Variants in ZNF618 observed in about 807,000 individuals in gnomAD.
ZNF618 encodes the protein neural precursor cell expressed, developmentally down-regulated 10.
Under a neutral mutation model 103.0 loss-of-function variants are expected in ZNF618, and 34 were observed. That is an observed-to-expected ratio of 0.33 (90% confidence interval 0.25 to 0.44). ZNF618 has a LOEUF of 0.44. Among genes scored for constraint, ZNF618 ranks in the 20% least tolerant of loss-of-function variants. The pLI is 1.00. For synonymous variants in ZNF618, 551 were observed against 542.2 expected (o/e 1.02, Z -0.23); for missense variants, 1,059 against 1,295.4 (o/e 0.82, Z 2.80).
At position 113,973,355 on chromosome 9, in the gene ZNF618, G is replaced by A. The variant is rs1027126860; in HGVS notation, c.77+4195G>A. Among the ~76,000 whole-genome samples, 6 of 152,246 alleles carry A rather than the reference G, an allele frequency of 3.9e-5. No homozygotes were observed. The East Asian group carries it at 5.8e-4, about 15-fold the overall frequency. On this transcript the variant is annotated intron_variant, in intron 2 of 14. Coordinates refer to ENST00000374126, the MANE Select transcript of ZNF618 (RefSeq NM_001318042.2). ...ACACTCTGCTACTACGCCAGGGTCC[G>A]CTTTCATCCCAGCGCCTTCCTCTTG...
chr9:114,049,147 C>T lies in ZNF618; in HGVS notation c.1845C>T (p.Tyr615=), dbSNP rs573623027. ...TGATGTCGGAGATCAGGACAGTGTACGTGACGGATTGCCGGGTGAGCACGT... is the reference window on the plus strand; with the variant it reads ...TGATGTCGGAGATCAGGACAGTGTATGTGACGGATTGCCGGGTGAGCACGT... ...EFVMSEIRTV[Y]VTDCRVSTSA... is the part of the protein sequence containing the mutation. The change falls in exon 15 of 15, where the codon TAC becomes TAT. Residue 615 remains tyrosine, a synonymous_variant. Transcript: ENST00000374126. 22 of 1,613,840 alleles carry T rather than the reference C, an allele frequency of 1.4e-5. No homozygotes were observed. Among genetic ancestry groups the T allele is most frequent in the Middle Eastern group, 1.6e-4 (1 of 6,062 alleles).
intron 1 of ZNF618, among the ~76,000 whole-genome samples, chr9:113,965,311 G>A (rs1350134085): frequency 1.3e-5 from 2 of 152,042 alleles, no homozygotes; most frequent in Non-Finnish European, 2.9e-5. Flanking sequence ...AAATTTCTGG[G>A]TTTGGAATAA....
intron 1 of ZNF618, among the ~76,000 whole-genome samples, chr9:113,967,418 TC>T (rs761075975): frequency 1.3e-5 from 2 of 152,202 alleles, no homozygotes; most frequent in East Asian, 1.9e-4. Context: ...AATTTCTTCC[TC>T]CCCGACCTCA....
In ZNF618 at chr9:114,054,982, C is replaced by T. The variant is rs1441523871; in HGVS notation, c.*4815C>T. On this transcript the variant is annotated 3_prime_UTR_variant, in exon 15 of 15. Transcript: ENST00000374126. ...CACCACGGGTGTCGCTTTAAAGAGTCAATTCTTGTACAGAGAAGGATTTGC... is the reference window on the plus strand; with the variant it reads ...CACCACGGGTGTCGCTTTAAAGAGTTAATTCTTGTACAGAGAAGGATTTGC... 2.2e-5 allele frequency: 3 copies of T among 138,860 alleles called. No homozygotes were observed. The highest frequency in any genetic ancestry group is 4.6e-5 in the Non-Finnish European group (3 of 65,282). 8.6% of individuals were successfully genotyped at this position (138,860 alleles called of 1,614,324 possible). A position where few individuals can be genotyped will look rare whatever the true frequency, so the allele number is the denominator to read the frequency against.
intron 2 of ZNF618, among the ~76,000 whole-genome samples, chr9:113,987,089 G>A (rs1435768740): frequency 6.6e-6 from 1 of 152,178 alleles, no homozygotes; most frequent in East Asian, 1.9e-4. Flanking sequence ...CTGGCACAGT[G>A]GAGAGGCTAG....
intron 9 of ZNF618, among the ~76,000 whole-genome samples, chr9:114,012,150 C>T (rs369090465): frequency 3.3e-5 from 5 of 152,118 alleles, no homozygotes; most frequent in South Asian, 2.1e-4. Context: ...TGTTTGACAA[C>T]CTCCATCTCA....
In ZNF618 at chr9:113,988,394, A is replaced by C. The variant is rs916907256; in HGVS notation, c.151A>C (p.Ser51Arg). Residue 51 changes from serine to arginine, a missense_variant, in exon 3 of 15, where the codon AGT becomes CGT. Physicochemically the swap from Ser to Arg is moderately radical, Grantham distance 110 (BLOSUM62 -1). Around this residue, in one of 6 missense-constraint regions of ZNF618, gnomAD observed 194 missense variants for 209.0 expected, o/e 0.93. Coordinates refer to ENST00000374126, the MANE Select transcript of ZNF618 (RefSeq NM_001318042.2). ...GCCAGTGCCAGCCGAGGCCTCGCTG[A>C]GTGCCGAGCAAGGAACGATGACGGA... is the stretch of plus-strand genomic sequence containing the variant. ...PEPVPAEASL[S>R]AEQGTMTEVK... 6.8e-6 allele frequency: 11 copies of C among 1,613,536 alleles called. No homozygotes were observed. Among genetic ancestry groups the C allele is most frequent in the Non-Finnish European group, 9.3e-6 (11 of 1,179,892 alleles).
At chr9:113,954,452 C>T (rs1028930076) in intron 1 of ZNF618, among the ~76,000 whole-genome samples, 3 of 152,168 alleles carry the variant, frequency 2.0e-5, no homozygotes, top group East Asian at 3.8e-4. Flanking sequence ...GCTGTGTGGC[C>T]AGGCATCCAT....
intron 1 of ZNF618, among the ~76,000 whole-genome samples, chr9:113,901,769 T>C (rs1830571118): frequency 6.6e-6 from 1 of 152,138 alleles, no homozygotes; most frequent in African/African-American, 2.4e-5. Flanking sequence ...CAAGTTTTGT[T>C]CTCTCTCCTG....
chr9:113,895,241 C>G lies in ZNF618; in HGVS notation c.33+18828C>G, dbSNP rs530822042. Among the ~76,000 whole-genome samples, 2 of 152,120 alleles carry G rather than the reference C, an allele frequency of 1.3e-5. 1 individual carries two copies. The highest frequency in any genetic ancestry group is 2.9e-5 in the Non-Finnish European group (2 of 67,956). On this transcript the variant is annotated intron_variant, in intron 1 of 14. Coordinates refer to ENST00000374126, the MANE Select transcript of ZNF618 (RefSeq NM_001318042.2). ...ATGGAGGTTGAATCATTCCCCTCCC[C>G]CACTATAAAGCTATTTAGTAATAAG...
intron 1 of ZNF618, among the ~76,000 whole-genome samples, chr9:113,893,972 A>G (rs1016258033): frequency 3.9e-5 from 6 of 152,200 alleles, no homozygotes; most frequent in African/African-American, 1.4e-4. Flanking sequence ...ACTTATCATT[A>G]TGAAAGGAGT....
chr9:114,016,108 C>T (rs1387547915), intron 9 of ZNF618: 2 of 1,604,502 alleles, frequency 1.2e-6, no homozygotes, highest in Admixed American at 1.7e-5. Flanking sequence ...ATAATTTTCC[C>T]CCAGTGAACA....
Position 113,900,612 on chromosome 9 carries a change from C to T in ZNF618, c.33+24199C>T, listed in dbSNP as rs865790729. On this transcript the variant is annotated intron_variant, in intron 1 of 14. Coordinates refer to ENST00000374126, the MANE Select transcript of ZNF618 (RefSeq NM_001318042.2). ...GTCCTCTCCCGCGAACCCGAGCTCC[C>T]GTCTCCTAGCACCGTCCTCTCCCGC... Among the ~76,000 whole-genome samples, 979 of 81,282 alleles carry T rather than the reference C, an allele frequency of 0.012. 1 individual carries two copies. In the Middle Eastern group the frequency reaches 0.12, roughly 10 times the overall value. 53.3% of individuals were successfully genotyped at this position (81,282 alleles called of 152,430 possible).
In ZNF618 at chr9:114,050,512, G is replaced by A. The variant is rs558557784; in HGVS notation, c.*345G>A. 8 of 191,476 alleles carry A rather than the reference G, an allele frequency of 4.2e-5. No individual in the cohort carries two copies. Among genetic ancestry groups the A allele is most frequent in the Middle Eastern group, 1.9e-3 (1 of 514 alleles). 11.9% of individuals were successfully genotyped at this position (191,476 alleles called of 1,614,324 possible). A position where few individuals can be genotyped will look rare whatever the true frequency, so the allele number is the denominator to read the frequency against. On this transcript the variant is annotated 3_prime_UTR_variant, in exon 15 of 15. Coordinates refer to ENST00000374126, the MANE Select transcript of ZNF618 (RefSeq NM_001318042.2). ...GTGTACATACGCCTGTGCTTGGACG[G>A]GTGTGCATTGAACTGGGCGTGTCAG...
chr9:114,016,668 T>A (rs1463243244), intron 9 of ZNF618, 27 bp from the exon 10 acceptor site: 3 of 1,604,084 alleles, frequency 1.9e-6, no homozygotes, highest in South Asian at 1.1e-5. Flanking sequence ...TTGCACATTC[T>A]TACACCTTCG....
At chr9:114,027,038 C>T (rs1397396688) in intron 10 of ZNF618, among the ~76,000 whole-genome samples, 1 of 152,018 alleles carries the variant, frequency 6.6e-6, no homozygotes, top group Non-Finnish European at 1.5e-5. Context: ...CACAGGAAGC[C>T]AGCAGTGATA....
At chr9:114,002,108 C>A in intron 5 of ZNF618, 35 bp downstream of exon 5, 1 of 1,584,042 alleles carries the variant, frequency 6.3e-7, no homozygotes, top group South Asian at 1.1e-5. Flanking sequence ...AGCCCAGGGG[C>A]CGCACCTCCC....
intron 6 of ZNF618, among the ~76,000 whole-genome samples, chr9:114,006,400 G>A (rs1317380374): frequency 2.0e-5 from 3 of 152,232 alleles, no homozygotes; most frequent in Non-Finnish European, 4.4e-5. Flanking sequence ...TGTGCCTGGG[G>A]TGATGGGATT....
At chr9:113,949,638 T>C (rs1189916043) in intron 1 of ZNF618, among the ~76,000 whole-genome samples, 1 of 152,070 alleles carries the variant, frequency 6.6e-6, no homozygotes, top group Non-Finnish European at 1.5e-5. Context: ...CCCGCTCCTC[T>C]CTCCCCTCCC....
Sources: gnomAD v4.1 joint callset for allele counts (sites outside exome capture counted in the v4.1 genomes callset) on GRCh38, gnomAD v4.1.1 for gene constraint, gnomAD v4.1.1 regional missense constraint, MANE v1.5 for transcripts, NCBI Gene and HGNC (gene_info 2026-07-23, HGNC 2026-07-21) for gene names.